RBFOX2: variants seen among roughly 807,000 people sequenced by gnomAD.
RBFOX2 encodes the protein RNA binding protein fox-1 homolog 2.
In RBFOX2, 10 loss-of-function variants were observed where a neutral mutation model predicts 49.1. The observed-to-expected ratio is 0.20, with a 90% CI of 0.13 to 0.35. RBFOX2 has a LOEUF of 0.35. RBFOX2 is among the 10% of genes least tolerant of loss of function. RBFOX2 has a pLI of 1.00. For missense variants in RBFOX2, 323 were observed against 486.9 expected (o/e 0.66, Z 3.17); for synonymous variants, 183 against 187.4 (o/e 0.98, Z 0.19).
intron 1 of RBFOX2, among the ~76,000 whole-genome samples, chr22:35,902,509 C>T (rs549062902): frequency 6.6e-6 from 1 of 152,284 alleles, no homozygotes; most frequent in African/African-American, 2.4e-5. Context: ...CAAATGGACA[C>T]TCAACGATGC....
chr22:35,803,546 A>T (rs1160360856), intron 2 of RBFOX2, among the ~76,000 whole-genome samples: 1 of 152,070 alleles, frequency 6.6e-6, no homozygotes, highest in Non-Finnish European at 1.5e-5. Flanking sequence ...GTTTGGTTGC[A>T]TGTGCCTGTA....
At chr22:35,946,668 C>T (rs1290201276) in intron 1 of RBFOX2, among the ~76,000 whole-genome samples, 1 of 152,166 alleles carries the variant, frequency 6.6e-6, no homozygotes, top group Non-Finnish European at 1.5e-5. Context: ...CCTTAGCTTC[C>T]TCTACATCAG....
intron 1 of RBFOX2, among the ~76,000 whole-genome samples, chr22:35,828,240 G>T (rs1354462769): frequency 1.3e-5 from 2 of 151,452 alleles, no homozygotes; most frequent in Non-Finnish European, 1.5e-5. Flanking sequence ...TGAAACAACA[G>T]CACTCAAGAC....
intron 1 of RBFOX2, among the ~76,000 whole-genome samples, chr22:35,882,838 A>C (rs73413842): frequency 6.6e-6 from 1 of 152,144 alleles, no homozygotes; most frequent in Non-Finnish European, 1.5e-5. Flanking sequence ...AGCCAAAAGA[A>C]GCAATTTAAC....
chr22:35,746,146 A>G (rs1932669525), intron 10 of RBFOX2, 151 bp from the exon 13 acceptor site: 2 of 736,522 alleles, frequency 2.7e-6, no homozygotes, highest in South Asian at 3.7e-5. Context: ...AAACCTTTCT[A>G]TTTCTACTCC....
chr22:35,896,355 C>T (rs891575592), intron 1 of RBFOX2, among the ~76,000 whole-genome samples: 3 of 152,196 alleles, frequency 2.0e-5, no homozygotes, highest in Non-Finnish European at 4.4e-5. Context: ...GAATATTCCA[C>T]TCCTTCCCAC....
At chr22:35,875,563 C>T (rs2044922373) in intron 1 of RBFOX2, among the ~76,000 whole-genome samples, 1 of 151,394 alleles carries the variant, frequency 6.6e-6, no homozygotes, top group Non-Finnish European at 1.5e-5. Context: ...TACCCACTCC[C>T]CAAACTATGC....
intron 1 of RBFOX2, among the ~76,000 whole-genome samples, chr22:35,890,210 T>C (rs944941522): frequency 6.6e-6 from 1 of 152,154 alleles, no homozygotes; most frequent in Non-Finnish European, 1.5e-5. Flanking sequence ...CGAAGGGTGA[T>C]GAAAACAGAA....
intron 1 of RBFOX2, among the ~76,000 whole-genome samples, chr22:35,954,577 C>T (rs907981846): frequency 1.1e-4 from 17 of 152,184 alleles, no homozygotes; most frequent in Non-Finnish European, 2.9e-5. Flanking sequence ...CCTAAAACAC[C>T]ACTCATACCA....
intron 1 of RBFOX2, among the ~76,000 whole-genome samples, chr22:35,976,009 A>G (rs2057129328): frequency 6.6e-6 from 1 of 152,172 alleles, no homozygotes; most frequent in African/African-American, 2.4e-5. Flanking sequence ...GTATTTTCCT[A>G]CATGGGCTGA....
At chr22:35,781,924 T>C (rs1945232215) in intron 2 of RBFOX2, among the ~76,000 whole-genome samples, 178 bp from the exon 4 acceptor site, 1 of 152,220 alleles carries the variant, frequency 6.6e-6, no homozygotes, top group African/African-American at 2.4e-5. Flanking sequence ...GCTATTAATG[T>C]TCTAAATGCT....
intron 1 of RBFOX2, among the ~76,000 whole-genome samples, chr22:35,936,370 C>T (rs1051632988): frequency 3.9e-5 from 6 of 152,108 alleles, no homozygotes; most frequent in Non-Finnish European, 7.4e-5. Context: ...GTTCCATTTC[C>T]GCCAGCTCAG....
intron 1 of RBFOX2, among the ~76,000 whole-genome samples, chr22:35,856,355 A>T (rs1377862363): frequency 6.6e-6 from 1 of 152,086 alleles, no homozygotes; most frequent in Admixed American, 6.6e-5. Context: ...AATATTTAAG[A>T]TTCTTTTCCT....
intron 1 of RBFOX2, among the ~76,000 whole-genome samples, chr22:36,004,733 T>C (rs1603465138): frequency 1.3e-5 from 2 of 151,854 alleles, no homozygotes; most frequent in South Asian, 2.1e-4. Context: ...GTGGTGGAGG[T>C]TGCAGTGAGC....
At chr22:35,752,104 T>C (rs1042290813) in intron 9 of RBFOX2, among the ~76,000 whole-genome samples, 1 of 152,220 alleles carries the variant, frequency 6.6e-6, no homozygotes, top group Non-Finnish European at 1.5e-5. Flanking sequence ...GAGTCCCATA[T>C]GTCTAGATTT....
rs1441368674 is a variant in RBFOX2 at position 35,804,037 on chromosome 22, T to C, written c.252+5743A>G. ...GCTCATGCCTGTAATCCCAGCACTT[T>C]GGGAGGCCGAGGCAGGCAGATCATG... is the stretch of plus-strand genomic sequence containing the variant. On this transcript the variant is annotated intron_variant, in intron 2 of 11. Coordinates refer to ENST00000405409, the Ensembl canonical transcript of RBFOX2. 3.3e-5 allele frequency among the ~76,000 whole-genome samples: 5 copies of C among 152,308 alleles called. No homozygotes were observed. In the East Asian group the frequency reaches 9.7e-4, roughly 29 times the overall value.
At chr22:35,978,098 G>A (rs1337619009) in intron 1 of RBFOX2, among the ~76,000 whole-genome samples, 3 of 152,056 alleles carry the variant, frequency 2.0e-5, no homozygotes, top group Non-Finnish European at 4.4e-5. Flanking sequence ...CAGCCATCGC[G>A]GTTGGAAAAC....
chr22:35,885,312 T>A, intron 1 of RBFOX2, among the ~76,000 whole-genome samples: 1 of 152,168 alleles, frequency 6.6e-6, no homozygotes, highest in South Asian at 2.1e-4. Context: ...AAAACCATGA[T>A]GTTTTTTACC....
rs535311086 is a variant in RBFOX2 at position 35,830,270 on chromosome 22, C to G, written c.27+9922G>C. Among the ~76,000 whole-genome samples, 7 of 152,268 alleles carry G rather than the reference C, an allele frequency of 4.6e-5. No individual in the cohort carries two copies. The East Asian group carries it at 1.3e-3, about 29-fold the overall frequency. ...ATGGAAAAACACAGAAATATACTCACAATTATAGTACCATATAAGCTAAAC... is the reference window on the plus strand; with the variant it reads ...ATGGAAAAACACAGAAATATACTCAGAATTATAGTACCATATAAGCTAAAC... On this transcript the variant is annotated intron_variant, in intron 1 of 11. Transcript: ENST00000405409.
Sources: gnomAD v4.1 joint callset for allele counts (sites outside exome capture counted in the v4.1 genomes callset) on GRCh38, gnomAD v4.1.1 for gene constraint, MANE v1.5 for transcripts, NCBI Gene and HGNC (gene_info 2026-07-23, HGNC 2026-07-21) for gene names.